The following TENM3 variants were observed in gnomAD, a reference collection of about 807,000 sequenced individuals.
TENM3 encodes teneurin-3.
A neutral mutation model predicts 255.1 loss-of-function variants in TENM3; 63 were observed. That is an observed-to-expected ratio of 0.25 (90% confidence interval 0.20 to 0.30). The LOEUF is 0.30. Among genes scored for constraint, TENM3 ranks in the 10% least tolerant of loss-of-function variants. The pLI, the probability that TENM3 is intolerant of heterozygous loss-of-function variation, is 1.00. For synonymous variants in TENM3, 1,306 were observed against 1,322.3 expected, an observed-to-expected ratio of 0.99 and a Z score of 0.27; for missense variants, 2,929 against 3,461.1, an observed-to-expected ratio of 0.85 and a Z score of 3.86.
At chr4:182,543,410 A>G (rs1741098224) in intron 3 of TENM3, among the ~76,000 whole-genome samples, 2 of 152,184 alleles carry the variant, frequency 1.3e-5, no homozygotes, top group African/African-American at 2.4e-5. Flanking sequence ...TTCTATTTGG[A>G]GGTTACATGT....
the TENM3 span, among the ~76,000 whole-genome samples, chr4:181,915,603 A>G: frequency 6.8e-6 from 1 of 146,012 alleles, no homozygotes; most frequent in African/African-American, 2.5e-5. Context: ...AGAAGGCAGG[A>G]TAGGCATTCC....
intron 3 of TENM3, among the ~76,000 whole-genome samples, chr4:182,387,560 C>T (rs540190977): frequency 6.6e-6 from 1 of 152,248 alleles, no homozygotes; most frequent in African/African-American, 2.4e-5. Context: ...AATTTTGCTA[C>T]TGCTCATTGT....
chr4:181,953,014 C>T, the TENM3 span, among the ~76,000 whole-genome samples: 2 of 152,156 alleles, frequency 1.3e-5, no homozygotes, highest in African/African-American at 4.8e-5. Flanking sequence ...CATATGTTAT[C>T]TCATTAACTC....
the TENM3 span, among the ~76,000 whole-genome samples, chr4:181,518,530 C>A: frequency 6.6e-6 from 1 of 152,040 alleles, no homozygotes. Flanking sequence ...TGGGTTCAAG[C>A]GATTCTCCTG....
At chr4:181,626,306 AG>A in the TENM3 span, among the ~76,000 whole-genome samples, 1 of 152,222 alleles carries the variant, frequency 6.6e-6, no homozygotes, top group African/African-American at 2.4e-5. Flanking sequence ...TGGGAGGGAC[AG>A]GAGCTGAGGA....
intron 3 of TENM3, among the ~76,000 whole-genome samples, chr4:182,492,890 A>AT (rs140098543): frequency 0.015 from 2,140 of 146,082 alleles, 45 homozygotes; most frequent in African/African-American, 0.048. Context: ...TCATGTCAAC[A>AT]TTTTTTTTTT....
At chr4:181,860,275 T>C in the TENM3 span, among the ~76,000 whole-genome samples, 2 of 152,212 alleles carry the variant, frequency 1.3e-5, no homozygotes, top group Admixed American at 6.5e-5. Flanking sequence ...CACAGGGCCA[T>C]TGCTTAATTT....
At chr4:182,641,471 T>C (rs554559730) in intron 5 of TENM3, among the ~76,000 whole-genome samples, 1 of 152,276 alleles carries the variant, frequency 6.6e-6, no homozygotes, top group South Asian at 2.1e-4. Flanking sequence ...AATTTTATGC[T>C]TAAGTCAGTA....
intron 3 of TENM3, among the ~76,000 whole-genome samples, chr4:182,451,457 G>A (rs1773455321): frequency 6.6e-6 from 1 of 152,048 alleles, no homozygotes; most frequent in African/African-American, 2.4e-5. Context: ...CTTGGTTAAA[G>A]GGGTGCACAG....
chr4:181,640,346 A>G, the TENM3 span, among the ~76,000 whole-genome samples: 1 of 152,208 alleles, frequency 6.6e-6, no homozygotes, highest in African/African-American at 2.4e-5. Context: ...AAGCAACTGG[A>G]AAGTGCAAAG....
the TENM3 span, among the ~76,000 whole-genome samples, chr4:181,564,782 A>C: frequency 2.0e-5 from 3 of 152,162 alleles, no homozygotes; most frequent in Non-Finnish European, 4.4e-5. Flanking sequence ...TCCTTAACGA[A>C]GTCATCCATT....
chr4:181,982,635 A>G, the TENM3 span, among the ~76,000 whole-genome samples: 23 of 152,244 alleles, frequency 1.5e-4, no homozygotes, highest in East Asian at 1.7e-3. Flanking sequence ...GCGGCTCCAA[A>G]AGTGCCTAAC....
At chr4:182,585,909 A>G (rs966675577) in intron 3 of TENM3, among the ~76,000 whole-genome samples, 2 of 152,198 alleles carry the variant, frequency 1.3e-5, no homozygotes, top group Non-Finnish European at 2.9e-5. Flanking sequence ...GAGCATCTTG[A>G]AGAAAGATGC....
rs368607970 is a variant in TENM3 at position 182,272,922 on chromosome 4, C to T, written c.-76+29446C>T. 2.4e-4 allele frequency among the ~76,000 whole-genome samples: 37 copies of T among 152,174 alleles called. No individual in the cohort carries two copies. In the East Asian group the frequency reaches 3.1e-3, roughly 13 times the overall value. ...AGCATCAGAGACTCGTAGGTACCTG[C>T]GGTATGAGTCCTGCAGGATCTGGAA... On this transcript the variant is annotated intron_variant, in intron 1 of 27. Coordinates refer to ENST00000511685, the MANE Select transcript of TENM3 (RefSeq NM_001080477.4).
the TENM3 span, among the ~76,000 whole-genome samples, chr4:182,027,429 T>C: frequency 2.6e-5 from 4 of 152,300 alleles, 1 homozygote; most frequent in South Asian, 8.3e-4. Context: ...ACAAGGATAA[T>C]TTGACTTCTT....
chr4:182,182,294 C>T (rs1172065372), intron 1 of TENM3, among the ~76,000 whole-genome samples: 7 of 152,214 alleles, frequency 4.6e-5, no homozygotes, highest in Admixed American at 3.9e-4. Flanking sequence ...GAATGAACTA[C>T]CGCCTATTAA....
chr4:182,432,087 AAAAG>A (rs1340045110), intron 3 of TENM3, among the ~76,000 whole-genome samples: 15 of 152,016 alleles, frequency 9.9e-5, no homozygotes, highest in East Asian at 7.7e-4. Context: ...AAAAAAAAAA[AAAAG>A]AAAGAAAGAA....
chr4:181,525,602 T>C, the TENM3 span, among the ~76,000 whole-genome samples: 1 of 152,210 alleles, frequency 6.6e-6, no homozygotes, highest in Non-Finnish European at 1.5e-5. Flanking sequence ...CCTGATGGTT[T>C]GCTCCTCTGT....
At chr4:182,311,836 C>T (rs778577416) in intron 1 of TENM3, among the ~76,000 whole-genome samples, 9 of 152,154 alleles carry the variant, frequency 5.9e-5, no homozygotes, top group African/African-American at 1.2e-4. Context: ...ACACAGACTT[C>T]CCAACTATCA....
Sources: allele counts gnomAD v4.1 joint callset (sites outside exome capture counted in the v4.1 genomes callset), GRCh38; gene constraint gnomAD v4.1.1; transcripts MANE v1.5; gene names NCBI Gene and HGNC (gene_info 2026-07-23, HGNC 2026-07-21).